KSR1: variants seen among roughly 807,000 people sequenced by gnomAD.
KSR1 encodes kinase suppressor of ras 1, also known as kinase suppressor of ras.
A neutral mutation model predicts 92.9 loss-of-function variants in KSR1; 35 were observed. The observed-to-expected ratio is 0.38, with a 90% confidence interval of 0.29 to 0.50. The LOEUF (loss-of-function observed/expected upper bound fraction) is 0.50. Among genes scored for constraint, KSR1 ranks in the 20% least tolerant of loss-of-function variants. KSR1 has a pLI of 0.94. For synonymous variants in KSR1, 467 were observed against 472.6 expected, an observed-to-expected ratio of 0.99 and a Z score of 0.15; for missense variants, 972 against 1,158.5, an observed-to-expected ratio of 0.84 and a Z score of 2.34.
intron 1 of KSR1, among the ~76,000 whole-genome samples, chr17:27,517,647 T>C (rs774617452): frequency 5.3e-5 from 8 of 152,232 alleles, no homozygotes; most frequent in Non-Finnish European, 1.2e-4. Context: ...TGTTATTGAG[T>C]ACCGCTCCTG....
At chr17:27,589,858 A>G (rs1393726835) in intron 6 of KSR1, among the ~76,000 whole-genome samples, 1 of 152,150 alleles carries the variant, frequency 6.6e-6, no homozygotes, top group Non-Finnish European at 1.5e-5. Context: ...TCCTGTCCCC[A>G]ACTCCTCAAC....
chr17:27,544,898 T>G (rs1220392485), intron 1 of KSR1, among the ~76,000 whole-genome samples: 1 of 152,202 alleles, frequency 6.6e-6, no homozygotes, highest in Non-Finnish European at 1.5e-5. Context: ...GCAGCTTCAT[T>G]TCACTCTGAC....
At chr17:27,529,544 T>C (rs1445564534) in intron 1 of KSR1, among the ~76,000 whole-genome samples, 2 of 152,262 alleles carry the variant, frequency 1.3e-5, no homozygotes, top group African/African-American at 4.8e-5. Context: ...GCCATGCTCC[T>C]GCCACAGCCA....
chr17:27,474,997 C>A (rs2068296069), intron 1 of KSR1, among the ~76,000 whole-genome samples: 1 of 152,052 alleles, frequency 6.6e-6, no homozygotes, highest in Admixed American at 6.5e-5. Flanking sequence ...GGAGGGGTGC[C>A]TAGATGGTGG....
At chr17:27,571,870 C>T (rs548173595) in intron 2 of KSR1, among the ~76,000 whole-genome samples, 14 of 152,336 alleles carry the variant, frequency 9.2e-5, no homozygotes, top group Admixed American at 2.6e-4. Flanking sequence ...GGGAGTGTGG[C>T]GCCTCTCAGT....
At chr17:27,507,943 C>T (rs1293337135) in intron 1 of KSR1, among the ~76,000 whole-genome samples, 2 of 152,110 alleles carry the variant, frequency 1.3e-5, no homozygotes, top group East Asian at 1.9e-4. Flanking sequence ...TATTCTAGAG[C>T]GTGTAGCCTG....
intron 1 of KSR1, among the ~76,000 whole-genome samples, chr17:27,505,345 C>T (rs1482802177): frequency 6.6e-6 from 1 of 152,242 alleles, no homozygotes; most frequent in Non-Finnish European, 1.5e-5. Context: ...CCTGCGCATG[C>T]ATGCTTCCTG....
intron 1 of KSR1, among the ~76,000 whole-genome samples, chr17:27,539,375 C>A (rs1371931725): frequency 3.3e-5 from 5 of 152,198 alleles, no homozygotes; most frequent in Admixed American, 2.6e-4. Context: ...TGGGCCAGCA[C>A]TTCCCTCAGC....
intron 5 of KSR1, among the ~76,000 whole-genome samples, chr17:27,586,746 C>T (rs923333912): frequency 6.6e-6 from 1 of 152,236 alleles, no homozygotes; most frequent in Non-Finnish European, 1.5e-5. Flanking sequence ...ACATACACCA[C>T]CTCACTGCCC....
intron 1 of KSR1, among the ~76,000 whole-genome samples, chr17:27,490,028 G>A (rs1225224467): frequency 6.6e-6 from 1 of 152,216 alleles, no homozygotes; most frequent in Admixed American, 6.5e-5. Context: ...CTGTGTGTGT[G>A]CTCAGACCCT....
At chr17:27,493,180 A>C (rs2068877935) in intron 1 of KSR1, among the ~76,000 whole-genome samples, 1 of 152,152 alleles carries the variant, frequency 6.6e-6, no homozygotes, top group Non-Finnish European at 1.5e-5. Context: ...GCAATAAGGG[A>C]CTATTATTAT....
At chr17:27,511,900 A>G (rs1325672580) in intron 1 of KSR1, among the ~76,000 whole-genome samples, 1 of 152,272 alleles carries the variant, frequency 6.6e-6, no homozygotes, top group African/African-American at 2.4e-5. Flanking sequence ...CACACCCGAC[A>G]AACATCTGCT....
At chr17:27,465,963 G>T (rs1383167398) in intron 1 of KSR1, among the ~76,000 whole-genome samples, 1 of 152,246 alleles carries the variant, frequency 6.6e-6, no homozygotes, top group Non-Finnish European at 1.5e-5. Context: ...AAGGCTCAGT[G>T]CAGCCTTTCT....
chr17:27,592,440 C>T lies in KSR1; in HGVS notation c.1192+18C>T, dbSNP rs1205522665. On this transcript the variant is annotated intron_variant, in intron 8 of 20. Coordinates refer to ENST00000644974, the MANE Select transcript of KSR1 (RefSeq NM_001394583.1). ...CCTGCCACGTGAGTTTTCTGCCTTC[C>T]TCTCCTCTGCCTTCTGGATTTGGGT... 1 of 1,613,640 alleles carries T rather than the reference C, an allele frequency of 6.2e-7. No homozygotes were observed.
intron 1 of KSR1, among the ~76,000 whole-genome samples, chr17:27,537,765 G>A (rs1358195425): frequency 6.6e-6 from 1 of 152,168 alleles, no homozygotes; most frequent in African/African-American, 2.4e-5. Flanking sequence ...AATATAGAAT[G>A]TATAGCATGA....
At chr17:27,603,787 A>T in intron 11 of KSR1, 47 bp from the exon 12 acceptor site, 1 of 1,598,488 alleles carries the variant, frequency 6.3e-7, no homozygotes, top group Non-Finnish European at 8.6e-7. Context: ...CTCTTTGGGG[A>T]GAGGAAAGCA....
At chr17:27,585,687 T>C in intron 5 of KSR1, 26 bp downstream of exon 5, 1 of 760,064 alleles carries the variant, frequency 1.3e-6, no homozygotes, top group Non-Finnish European at 2.5e-6. Flanking sequence ...TTCCATCCCC[T>C]CTACCACCTG....
At chr17:27,590,746 CCTT>C in intron 6 of KSR1, 62 bp from the exon 7 acceptor site, 4 of 1,480,982 alleles carry the variant, frequency 2.7e-6, no homozygotes, top group East Asian at 4.8e-5. Flanking sequence ...CCATGGGAAA[CCTT>C]CTGTGGCTGG....
chr17:27,590,582 C>G (rs1424813598), intron 6 of KSR1, among the ~76,000 whole-genome samples: 2 of 152,198 alleles, frequency 1.3e-5, no homozygotes, highest in Admixed American at 6.5e-5. Context: ...TGCCAGATGA[C>G]CACACCAACT....
Sources: allele counts gnomAD v4.1 joint callset (sites outside exome capture counted in the v4.1 genomes callset), GRCh38; gene constraint gnomAD v4.1.1; transcripts MANE v1.5; gene names NCBI Gene and HGNC (gene_info 2026-07-23, HGNC 2026-07-21).